FIRRM: variants seen among roughly 807,000 people sequenced by gnomAD.
FIRRM encodes the protein FIGNL1 interacting regulator of recombination and mitosis.
the FIRRM span, among the ~76,000 whole-genome samples, chr1:169,819,653 T>C: frequency 7.9e-5 from 12 of 152,306 alleles, no homozygotes; most frequent in African/African-American, 2.9e-4. Flanking sequence ...TGAATTAAGC[T>C]GACTTTTAAC....
the FIRRM span, chr1:169,847,623 G>T: frequency 8.9e-7 from 1 of 1,121,638 alleles, no homozygotes; most frequent in Admixed American, 2.0e-5. Context: ...CAAATCTTAG[G>T]CAGTTATTGT....
the FIRRM span, chr1:169,801,094 G>A: frequency 3.6e-6 from 2 of 554,368 alleles, no homozygotes; most frequent in South Asian, 2.7e-5. Flanking sequence ...AAAATAAGGA[G>A]TAAGTAGATC....
At chr1:169,820,323 A>G in the FIRRM span, among the ~76,000 whole-genome samples, 3 of 152,190 alleles carry the variant, frequency 2.0e-5, no homozygotes, top group Non-Finnish European at 4.4e-5. Flanking sequence ...TCTGTAGTGA[A>G]GGGACCTTTT....
chr1:169,786,442 G>A, the FIRRM span, among the ~76,000 whole-genome samples: 3 of 152,172 alleles, frequency 2.0e-5, no homozygotes, highest in African/African-American at 7.2e-5. Context: ...AAAACGCAAA[G>A]AGGGTGGAAT....
chr1:169,799,999 C>G, the FIRRM span, among the ~76,000 whole-genome samples: 1 of 152,136 alleles, frequency 6.6e-6, no homozygotes, highest in Non-Finnish European at 1.5e-5. Flanking sequence ...GCTGTGATTA[C>G]AGGTCTGAGC....
At chr1:169,802,778 A>T in the FIRRM span, 3 of 1,027,538 alleles carry the variant, frequency 2.9e-6, no homozygotes, top group African/African-American at 4.8e-5. Context: ...AAGAATGTCA[A>T]AATTTTTATA....
the FIRRM span, chr1:169,796,103 C>A: frequency 4.9e-6 from 2 of 405,146 alleles, no homozygotes; most frequent in Non-Finnish European, 6.7e-6. Context: ...AAATATTGTG[C>A]AGCTAAAGCC....
chr1:169,823,156 C>T, the FIRRM span, among the ~76,000 whole-genome samples: 9,838 of 151,456 alleles, frequency 0.065, 424 homozygotes, highest in Non-Finnish European at 0.099. Flanking sequence ...GAGGCTGAGG[C>T]ACGAGAATTG....
chr1:169,822,130 C>G, the FIRRM span, among the ~76,000 whole-genome samples: 1 of 152,180 alleles, frequency 6.6e-6, no homozygotes. Flanking sequence ...TGGGTAACAA[C>G]TACCCGTCAA....
At chr1:169,851,654 AT>A in the FIRRM span, 1 of 802,280 alleles carries the variant, frequency 1.2e-6, no homozygotes, top group Non-Finnish European at 2.0e-6. Flanking sequence ...CAGTAGAGTG[AT>A]TTAATCCAGA....
At chr1:169,841,543 A>ATTTG in the FIRRM span, among the ~76,000 whole-genome samples, 1 of 152,202 alleles carries the variant, frequency 6.6e-6, no homozygotes, top group African/African-American at 2.4e-5. Context: ...CACACCTCAA[A>ATTTG]CAACCTCATT....
chr1:169,828,298 G>A, the FIRRM span, among the ~76,000 whole-genome samples: 4 of 151,970 alleles, frequency 2.6e-5, no homozygotes, highest in South Asian at 2.1e-4. Context: ...CCCATTCTGC[G>A]TACCACGATG....
the FIRRM span, among the ~76,000 whole-genome samples, chr1:169,822,456 C>T: frequency 8.5e-5 from 13 of 152,134 alleles, no homozygotes; most frequent in Admixed American, 8.5e-4. Flanking sequence ...CTGCTGTAAG[C>T]ATTCTCTGCT....
chr1:169,823,645 C>T, the FIRRM span, among the ~76,000 whole-genome samples: 1 of 152,178 alleles, frequency 6.6e-6, no homozygotes, highest in African/African-American at 2.4e-5. Flanking sequence ...ATACATTCCA[C>T]ATGAGTTATG....
At chr1:169,792,472 C>T in the FIRRM span, 2 of 1,095,978 alleles carry the variant, frequency 1.8e-6, no homozygotes, top group Non-Finnish European at 2.5e-6. Context: ...CAAAACTAAA[C>T]AAACAACATC....
At chr1:169,793,043 T>C in the FIRRM span, 14 of 1,614,212 alleles carry the variant, frequency 8.7e-6, no homozygotes, top group South Asian at 1.2e-4. Context: ...CATACTGTTA[T>C]AATCTTGAAA....
At chr1:169,832,322 A>G in the FIRRM span, 2 of 760,606 alleles carry the variant, frequency 2.6e-6, no homozygotes, top group Non-Finnish European at 4.6e-6. Context: ...TCCCCTAGAA[A>G]GAGCTGCTAT....
At chr1:169,824,093 TC>T in the FIRRM span, among the ~76,000 whole-genome samples, 12 of 152,154 alleles carry the variant, frequency 7.9e-5, no homozygotes, top group Non-Finnish European at 1.6e-4. Context: ...TCCTCAAACT[TC>T]CTGTATCTTC....
At chr1:169,806,861 C>A in the FIRRM span, among the ~76,000 whole-genome samples, 11 of 152,286 alleles carry the variant, frequency 7.2e-5, no homozygotes, top group African/African-American at 1.9e-4. Context: ...ATAATAATAG[C>A]AACTTCTTGA....
Sources: gnomAD v4.1 joint callset for allele counts (sites outside exome capture counted in the v4.1 genomes callset) on GRCh38, gnomAD v4.1.1 for gene constraint, MANE v1.5 for transcripts, NCBI Gene and HGNC (gene_info 2026-07-23, HGNC 2026-07-21) for gene names.